SPIDR: variants seen among roughly 807,000 people sequenced by gnomAD.
The protein encoded by SPIDR is scaffold protein involved in DNA repair.
Under a neutral mutation model 104.6 loss-of-function variants are expected in SPIDR, and 93 were observed. That is an observed-to-expected ratio of 0.89 (90% CI 0.75 to 1.06). SPIDR has a LOEUF of 1.06. Ranked by LOEUF, SPIDR falls within the 50% of genes least tolerant of loss-of-function variation. The pLI, the probability that SPIDR is intolerant of heterozygous loss-of-function variation, is 0.00. For missense variants in SPIDR, 1,154 were observed against 1,111.2 expected (o/e 1.04, Z -0.55); for synonymous variants, 431 against 416.9 (o/e 1.03, Z -0.41).
At chr8:47,551,452 G>A (rs933923271) in intron 8 of SPIDR, among the ~76,000 whole-genome samples, 1 of 152,182 alleles carries the variant, frequency 6.6e-6, no homozygotes, top group Non-Finnish European at 1.5e-5. Context: ...TTCAGAGCCT[G>A]TTATCAGTCT....
intron 7 of SPIDR, among the ~76,000 whole-genome samples, chr8:47,417,635 C>T (rs1406221701): frequency 6.6e-6 from 1 of 152,170 alleles, no homozygotes; most frequent in African/African-American, 2.4e-5. Flanking sequence ...TAATTAGATC[C>T]CATTTGTCAA....
chr8:47,332,925 A>G (rs1052318647), intron 5 of SPIDR, among the ~76,000 whole-genome samples: 1 of 143,244 alleles, frequency 7.0e-6, no homozygotes, highest in Non-Finnish European at 1.5e-5. Flanking sequence ...AGTAGGTTGC[A>G]AAAATTTTCT....
At chr8:47,574,903 T>C (rs2154407511) in intron 8 of SPIDR, among the ~76,000 whole-genome samples, 1 of 152,370 alleles carries the variant, frequency 6.6e-6, no homozygotes, top group South Asian at 2.1e-4. Context: ...CTGCTTTTGC[T>C]GATTTGTGAT....
intron 14 of SPIDR, among the ~76,000 whole-genome samples, chr8:47,705,618 C>T (rs982064159): frequency 6.6e-5 from 10 of 152,204 alleles, no homozygotes; most frequent in Non-Finnish European, 1.5e-4. Context: ...TAAAAACAGA[C>T]CCAGACTAGG....
chr8:47,286,145 A>G (rs1172659768), intron 3 of SPIDR, among the ~76,000 whole-genome samples: 1 of 152,182 alleles, frequency 6.6e-6, no homozygotes, highest in Non-Finnish European at 1.5e-5. Flanking sequence ...CAGAAGCACC[A>G]GACAGTTACA....
intron 16 of SPIDR, among the ~76,000 whole-genome samples, chr8:47,719,893 C>T (rs1399743405): frequency 6.6e-6 from 1 of 152,244 alleles, no homozygotes; most frequent in African/African-American, 2.4e-5. Context: ...CCAGCATTCT[C>T]TGTTTGTGTT....
intron 8 of SPIDR, among the ~76,000 whole-genome samples, chr8:47,490,041 A>C (rs1273811811): frequency 6.6e-6 from 1 of 152,230 alleles, no homozygotes; most frequent in Non-Finnish European, 1.5e-5. Context: ...ACAGCAAAAG[A>C]AACTACCATC....
intron 1 of SPIDR, among the ~76,000 whole-genome samples, chr8:47,278,038 C>A (rs2036911438): frequency 6.6e-6 from 1 of 151,874 alleles, no homozygotes; most frequent in African/African-American, 2.4e-5. Context: ...TTTCCACCAG[C>A]CATGCACAAA....
At chr8:47,640,841 CTTTTTTTT>C (rs57405701) in intron 10 of SPIDR, among the ~76,000 whole-genome samples, 5 of 41,290 alleles carry the variant, frequency 1.2e-4, no homozygotes, top group South Asian at 1.1e-3. Context: ...CCACACCCAG[CTTTTTTTT>C]TTTTTTTTTT....
chr8:47,522,687 TAAAAGTA>T (rs2084358326), intron 8 of SPIDR, among the ~76,000 whole-genome samples: 1 of 152,226 alleles, frequency 6.6e-6, no homozygotes, highest in African/African-American at 2.4e-5. Context: ...AAAAGACAGT[TAAAAGTA>T]AGAAGTATTT....
chr8:47,593,017 G>A (rs1033766045), intron 8 of SPIDR, among the ~76,000 whole-genome samples: 43 of 152,084 alleles, frequency 2.8e-4, no homozygotes, highest in African/African-American at 1.0e-3. Flanking sequence ...CTCCCGAGTA[G>A]CTGGGATTAC....
intron 7 of SPIDR, among the ~76,000 whole-genome samples, chr8:47,439,631 TA>T (rs2154343076): frequency 6.6e-6 from 1 of 152,340 alleles, no homozygotes; most frequent in Admixed American, 6.5e-5. Flanking sequence ...GGGTATAGGC[TA>T]TGCACACTAT....
intron 8 of SPIDR, among the ~76,000 whole-genome samples, chr8:47,468,053 A>G (rs879972145): frequency 2.6e-5 from 4 of 152,158 alleles, no homozygotes; most frequent in Admixed American, 1.3e-4. Context: ...TAGCATTTCT[A>G]TACACCAGCC....
chr8:47,286,907 A>C (rs935377007), intron 3 of SPIDR, among the ~76,000 whole-genome samples: 1 of 152,152 alleles, frequency 6.6e-6, no homozygotes, highest in Non-Finnish European at 1.5e-5. Flanking sequence ...GTCTTCTAAA[A>C]ACATGTACTT....
chr8:47,675,127 C>T (rs557945009), intron 11 of SPIDR, among the ~76,000 whole-genome samples: 25 of 152,304 alleles, frequency 1.6e-4, no homozygotes, highest in African/African-American at 6.0e-4. Context: ...ACCTCTGCCT[C>T]CCAGATTCAA....
chr8:47,535,307 G>A (rs932980454), intron 8 of SPIDR, among the ~76,000 whole-genome samples: 16 of 152,140 alleles, frequency 1.1e-4, no homozygotes, highest in African/African-American at 3.6e-4. Flanking sequence ...AAACACTTAA[G>A]CACTAAGTGC....
At chr8:47,291,233 GGAA>G (rs1156837051) in intron 4 of SPIDR, 96 bp downstream of exon 4, 2 of 745,794 alleles carry the variant, frequency 2.7e-6, no homozygotes, top group Admixed American at 2.9e-5. Flanking sequence ...AATTTTGTTA[GGAA>G]TCCAGTTTCT....
At chr8:47,430,216 A>T (rs2067117238) in intron 7 of SPIDR, among the ~76,000 whole-genome samples, 1 of 151,848 alleles carries the variant, frequency 6.6e-6, no homozygotes, top group South Asian at 2.1e-4. Context: ...CCTTAAGCTA[A>T]TTTCTCTTCT....
At chr8:47,625,942 C>G (rs573936384) in intron 10 of SPIDR, among the ~76,000 whole-genome samples, 1 of 152,128 alleles carries the variant, frequency 6.6e-6, no homozygotes, top group African/African-American at 2.4e-5. Context: ...CAGTCCTAAG[C>G]CAAAAGAACA....
Sources: allele counts gnomAD v4.1 joint callset (sites outside exome capture counted in the v4.1 genomes callset), GRCh38; gene constraint gnomAD v4.1.1; transcripts MANE v1.5; gene names NCBI Gene and HGNC (gene_info 2026-07-23, HGNC 2026-07-21).